Variants in ZNF385D observed in about 807,000 individuals in gnomAD.
The protein encoded by ZNF385D is zinc finger protein 385D, also known as zinc finger protein 659.
ZNF385D carries 15 observed loss-of-function variants against 35.8 expected under a neutral mutation model. The observed-to-expected ratio is 0.42, with a 90% CI of 0.28 to 0.64. The LOEUF is 0.64. ZNF385D is among the 30% of genes least tolerant of loss of function. ZNF385D has a pLI of 0.23. For synonymous variants in ZNF385D, 212 were observed against 186.8 expected (o/e 1.13, Z -1.10); for missense variants, 474 against 494.6 (o/e 0.96, Z 0.39).
chr3:22,213,408 G>C (rs886656463), intron 2 of ZNF385D, among the ~76,000 whole-genome samples: 1 of 152,020 alleles, frequency 6.6e-6, no homozygotes, highest in Non-Finnish European at 1.5e-5. Context: ...TGGATCTAAA[G>C]CAGAGTGATT....
rs148968371 is a variant in ZNF385D at position 22,120,529 on chromosome 3, C to T, written c.325+48288G>A. On this transcript the variant is annotated intron_variant, in intron 3 of 5. Coordinates refer to the ZNF385D transcript ENST00000494108. ...ATATCTACTTGGAAGAGACACAATT[C>T]AACTCTTAATACACAGCACAACACT... Among the ~76,000 whole-genome samples the T allele has an allele frequency of 5.7e-4, 86 of 152,212 alleles. 1 individual carries two copies. The Middle Eastern group carries it at 0.014, about 24-fold the overall frequency.
chr3:21,853,320 G>A (rs1378710927), intron 3 of ZNF385D, among the ~76,000 whole-genome samples: 2 of 151,830 alleles, frequency 1.3e-5, no homozygotes, highest in East Asian at 3.9e-4. Context: ...ATATTTTCCT[G>A]TATCGTGGTT....
At chr3:21,628,589 CA>C (rs1181886948) in intron 2 of ZNF385D, among the ~76,000 whole-genome samples, 1 of 152,044 alleles carries the variant, frequency 6.6e-6, no homozygotes, top group Non-Finnish European at 1.5e-5. Flanking sequence ...CTAAAAAAGA[CA>C]AGTGAGTTTG....
intron 2 of ZNF385D, among the ~76,000 whole-genome samples, chr3:22,347,603 A>C (rs913209521): frequency 2.6e-5 from 4 of 152,204 alleles, no homozygotes; most frequent in Admixed American, 2.6e-4. Context: ...GCTAAATAAA[A>C]ATAGATTCTC....
intron 2 of ZNF385D, among the ~76,000 whole-genome samples, chr3:22,296,288 C>G (rs1463025085): frequency 2.0e-5 from 3 of 152,132 alleles, no homozygotes; most frequent in Non-Finnish European, 4.4e-5. Flanking sequence ...TGCCATTGCT[C>G]TGTGTGGCAT....
chr3:22,357,609 A>G (rs563182842), intron 2 of ZNF385D, among the ~76,000 whole-genome samples: 1 of 143,146 alleles, frequency 7.0e-6, no homozygotes, highest in East Asian at 1.9e-4. Flanking sequence ...TAACTTAAAG[A>G]AAAAAAAACT....
chr3:21,937,393 G>A (rs911660616), intron 3 of ZNF385D, among the ~76,000 whole-genome samples: 2 of 152,062 alleles, frequency 1.3e-5, no homozygotes, highest in Admixed American at 6.5e-5. Flanking sequence ...GCCCCATTGT[G>A]CCACTGTAAT....
At chr3:22,046,568 T>C (rs1386995900) in intron 3 of ZNF385D, among the ~76,000 whole-genome samples, 1 of 152,208 alleles carries the variant, frequency 6.6e-6, no homozygotes, top group East Asian at 1.9e-4. Context: ...CTTCTTCCAC[T>C]AATATTAATG....
chr3:21,897,986 T>C (rs1242141058), intron 3 of ZNF385D, among the ~76,000 whole-genome samples: 1 of 152,166 alleles, frequency 6.6e-6, no homozygotes, highest in East Asian at 1.9e-4. Flanking sequence ...AAACTTATTG[T>C]TCCTCTTTAT....
At position 22,152,353 on chromosome 3, in the gene ZNF385D, T is replaced by G. The variant is rs368786054; in HGVS notation, c.325+16464A>C. Among the ~76,000 whole-genome samples the G allele has an allele frequency of 8.5e-5, 13 of 152,314 alleles. 1 individual carries two copies. Among genetic ancestry groups the G allele is most frequent in the East Asian group, 3.9e-4 (2 of 5,182 alleles). Reference sequence around the variant, plus strand: ...TACCACTTAGGAAAATGACGGTATCTGTATTAGTCTCCTATCATTGCTAGA... The same window carrying G: ...TACCACTTAGGAAAATGACGGTATCGGTATTAGTCTCCTATCATTGCTAGA... On this transcript the variant is annotated intron_variant, in intron 3 of 5. Coordinates refer to the ZNF385D transcript ENST00000494108.
intron 3 of ZNF385D, chr3:21,561,823 A>G (rs2062958281): frequency 2.5e-5 from 2 of 78,832 alleles, no homozygotes; most frequent in South Asian, 7.7e-4. Context: ...ACAGATCACC[A>G]TAACAGATAT....
chr3:21,857,279 A>ATC (rs1404207147), intron 3 of ZNF385D, among the ~76,000 whole-genome samples: 1 of 152,102 alleles, frequency 6.6e-6, no homozygotes, highest in Admixed American at 6.6e-5. Flanking sequence ...TTGTGTGTCA[A>ATC]CATGATTGGA....
chr3:21,428,587 A>T (rs1701132491), intron 5 of ZNF385D, among the ~76,000 whole-genome samples: 1 of 151,520 alleles, frequency 6.6e-6, no homozygotes, highest in African/African-American at 2.4e-5. Context: ...GCTTTTTCTC[A>T]TAAAGCTTTT....
chr3:21,507,771 G>C (rs1418086770), intron 4 of ZNF385D, among the ~76,000 whole-genome samples: 3 of 152,126 alleles, frequency 2.0e-5, no homozygotes, highest in Non-Finnish European at 4.4e-5. Context: ...GTGCTAATCA[G>C]TATGAGGAAG....
intron 3 of ZNF385D, among the ~76,000 whole-genome samples, chr3:22,039,934 G>C (rs1413615261): frequency 2.6e-5 from 4 of 152,114 alleles, no homozygotes; most frequent in African/African-American, 4.8e-5. Flanking sequence ...CTTTGAATTG[G>C]ATGTAGCCAT....
intron 3 of ZNF385D, among the ~76,000 whole-genome samples, chr3:22,139,207 C>T (rs76900516): frequency 2.6e-5 from 4 of 152,154 alleles, no homozygotes; most frequent in East Asian, 1.9e-4. Flanking sequence ...GTCGGTGTGG[C>T]GATTCCTCAG....
chr3:21,466,545 A>T (rs1317153687), intron 4 of ZNF385D, among the ~76,000 whole-genome samples: 1 of 152,104 alleles, frequency 6.6e-6, no homozygotes, highest in African/African-American at 2.4e-5. Flanking sequence ...TATCCCTCTG[A>T]CCACACAACA....
intron 3 of ZNF385D, among the ~76,000 whole-genome samples, chr3:22,115,248 G>A (rs956848152): frequency 3.3e-5 from 5 of 152,160 alleles, no homozygotes; most frequent in African/African-American, 1.2e-4. Context: ...AAGAACCAGG[G>A]AGAATGTTAG....
At chr3:21,819,288 T>G (rs1211429490) in intron 3 of ZNF385D, among the ~76,000 whole-genome samples, 1 of 151,704 alleles carries the variant, frequency 6.6e-6, no homozygotes, top group Non-Finnish European at 1.5e-5. Context: ...TCAATGTAAA[T>G]AGACTAAGCT....
Sources: gnomAD v4.1 joint callset for allele counts (sites outside exome capture counted in the v4.1 genomes callset) on GRCh38, gnomAD v4.1.1 for gene constraint, MANE v1.5 for transcripts, NCBI Gene and HGNC (gene_info 2026-07-23, HGNC 2026-07-21) for gene names.